Variants in PVT1 observed in about 807,000 individuals in gnomAD.
PVT1 encodes CXCR4/PVT1 fusion.
intron 2 of PVT1, among the ~76,000 whole-genome samples, chr8:127,826,943 C>T (rs1221346400): frequency 7.3e-5 from 11 of 151,512 alleles, no homozygotes; most frequent in Non-Finnish European, 1.5e-4. Flanking sequence ...TCTGAACTCA[C>T]GTGCCCTGGA....
chr8:127,857,405 G>T (rs1815173907), intron 2 of PVT1, among the ~76,000 whole-genome samples: 1 of 152,098 alleles, frequency 6.6e-6, no homozygotes, highest in South Asian at 2.1e-4. Flanking sequence ...GGGCATGGTG[G>T]CTCCTGCCTG....
intron 4 of PVT1, among the ~76,000 whole-genome samples, chr8:128,025,704 CCTTA>C (rs773924131): frequency 1.3e-5 from 2 of 152,200 alleles, no homozygotes; most frequent in Non-Finnish European, 2.9e-5. Context: ...AGAGGATCTG[CCTTA>C]CTAAGTCAGA....
intron 3 of PVT1, among the ~76,000 whole-genome samples, chr8:127,934,852 C>T (rs1293135500): frequency 6.6e-6 from 1 of 152,140 alleles, no homozygotes; most frequent in Non-Finnish European, 1.5e-5. Context: ...CTTAGGCAGC[C>T]TCCACTTTTG....
At chr8:127,871,601 TGAG>T (rs1208228428) in intron 2 of PVT1, among the ~76,000 whole-genome samples, 2 of 151,992 alleles carry the variant, frequency 1.3e-5, no homozygotes, top group South Asian at 2.1e-4. Context: ...ACGTCAACTG[TGAG>T]GAGAAGAGAT....
At chr8:127,950,704 C>A (rs540752104) in intron 3 of PVT1, among the ~76,000 whole-genome samples, 1 of 152,284 alleles carries the variant, frequency 6.6e-6, no homozygotes, top group African/African-American at 2.4e-5. Flanking sequence ...AGGGCCTGGG[C>A]TGGGAATTCT....
chr8:127,929,028 A>G (rs1028452812), intron 3 of PVT1, among the ~76,000 whole-genome samples: 1 of 152,114 alleles, frequency 6.6e-6, no homozygotes, highest in African/African-American at 2.4e-5. Flanking sequence ...TTAGGAGGGG[A>G]AAATCCTCAA....
At chr8:128,032,284 C>T (rs563281892) in intron 4 of PVT1, among the ~76,000 whole-genome samples, 2 of 152,164 alleles carry the variant, frequency 1.3e-5, no homozygotes, top group African/African-American at 4.8e-5. Flanking sequence ...TGAGTGGGCC[C>T]AGGGCTGCTG....
intron 2 of PVT1, among the ~76,000 whole-genome samples, chr8:127,864,245 A>G (rs13261159): frequency 0.39 from 59,603 of 151,860 alleles, 15,093 homozygotes; most frequent in African/African-American, 0.72. Flanking sequence ...GTCCTGGGTG[A>G]GCAGGGATGA....
At chr8:127,823,092 A>T in intron 2 of PVT1, among the ~76,000 whole-genome samples, 1 of 152,258 alleles carries the variant, frequency 6.6e-6, no homozygotes, top group Non-Finnish European at 1.5e-5. Flanking sequence ...GTTAAAGTTC[A>T]AAAGTCTTTA....
chr8:127,928,437 T>G (rs1172728918), intron 3 of PVT1, among the ~76,000 whole-genome samples: 2 of 152,232 alleles, frequency 1.3e-5, no homozygotes, highest in Non-Finnish European at 2.9e-5. Context: ...TCCCTATACC[T>G]ATCAGGATGG....
intron 2 of PVT1, among the ~76,000 whole-genome samples, chr8:127,819,560 T>C (rs553162112): frequency 2.6e-5 from 4 of 152,328 alleles, no homozygotes; most frequent in African/African-American, 9.6e-5. Flanking sequence ...CTAACTGGTA[T>C]GCTCTCCTGT....
intron 5 of PVT1, among the ~76,000 whole-genome samples, chr8:128,087,855 G>T (rs886393333): frequency 6.9e-6 from 1 of 145,968 alleles, no homozygotes; most frequent in Admixed American, 7.3e-5. Context: ...CACCTCCCAG[G>T]TTCAAGCATT....
intron 3 of PVT1, among the ~76,000 whole-genome samples, chr8:127,910,334 T>G (rs1815879736): frequency 6.6e-6 from 1 of 152,176 alleles, no homozygotes; most frequent in Non-Finnish European, 1.5e-5. Context: ...CATAATAAAT[T>G]TATTAGCTTT....
At chr8:127,882,256 C>T (rs1815476922) in intron 2 of PVT1, among the ~76,000 whole-genome samples, 1 of 152,070 alleles carries the variant, frequency 6.6e-6, no homozygotes, top group Non-Finnish European at 1.5e-5. Flanking sequence ...CATCCCAGCA[C>T]ACGTTAGGGA....
intron 2 of PVT1, among the ~76,000 whole-genome samples, chr8:127,848,639 C>T (rs889660974): frequency 4.0e-5 from 6 of 151,808 alleles, no homozygotes; most frequent in African/African-American, 9.7e-5. Flanking sequence ...GCTGAGATCG[C>T]GCCATTGCAC....
At chr8:127,969,640 C>T (rs1411751502) in intron 3 of PVT1, among the ~76,000 whole-genome samples, 1 of 152,214 alleles carries the variant, frequency 6.6e-6, no homozygotes, top group African/African-American at 2.4e-5. Context: ...CCTGAGTACT[C>T]ACTGTGTTCC....
At chr8:127,818,207 C>T (rs1433967423) in intron 2 of PVT1, among the ~76,000 whole-genome samples, 1 of 152,146 alleles carries the variant, frequency 6.6e-6, no homozygotes, top group East Asian at 1.9e-4. Context: ...GAAATGTAGG[C>T]CTGTTGGGGC....
rs147846160 is a variant in PVT1, at chr8:128,034,393, C to T, written n.913-35767C>T. On this transcript the variant is annotated intron_variant and non_coding_transcript_variant, in intron 4 of 10. Transcript: ENST00000651587. ...CCCATTTCCCTCAAGACTGTTCTCACCACCTGGGTGGAGTTGCTGACTTTC... is the reference window on the plus strand; with the variant it reads ...CCCATTTCCCTCAAGACTGTTCTCATCACCTGGGTGGAGTTGCTGACTTTC... 1.7e-3 allele frequency among the ~76,000 whole-genome samples: 257 copies of T among 152,342 alleles called. 1 individual carries two copies. The highest frequency in any genetic ancestry group is 5.8e-3 in the African/African-American group (241 of 41,586).
chr8:127,868,338 C>G (rs1489014769), intron 2 of PVT1, among the ~76,000 whole-genome samples: 1 of 152,050 alleles, frequency 6.6e-6, no homozygotes, highest in Non-Finnish European at 1.5e-5. Context: ...AGAATCCAGG[C>G]ATATGGTTGA....
Sources: allele counts gnomAD v4.1 joint callset (sites outside exome capture counted in the v4.1 genomes callset), GRCh38; gene constraint gnomAD v4.1.1; transcripts MANE v1.5; gene names NCBI Gene and HGNC (gene_info 2026-07-23, HGNC 2026-07-21).